Variants in ZNF793 observed in about 807,000 individuals in gnomAD.
ZNF793 encodes the protein zinc finger protein 793.
Under a neutral mutation model 12.4 loss-of-function variants are expected in ZNF793, and 5 were observed. That is an observed-to-expected ratio of 0.40 (90% CI 0.21 to 0.84). The LOEUF (loss-of-function observed/expected upper bound fraction) is 0.84. Among genes scored for constraint, ZNF793 ranks in the 40% least tolerant of loss-of-function variants. The pLI is 0.35. For missense variants in ZNF793, 456 were observed against 495.0 expected, an observed-to-expected ratio of 0.92 and a Z score of 0.75; for synonymous variants, 162 against 172.4, an observed-to-expected ratio of 0.94 and a Z score of 0.47.
At chr19:37,528,600 T>TA (rs1423060554) in intron 5 of ZNF793, among the ~76,000 whole-genome samples, 1 of 152,108 alleles carries the variant, frequency 6.6e-6, no homozygotes, top group Non-Finnish European at 1.5e-5. Flanking sequence ...CACAGTCACT[T>TA]AAAGACAGGA....
intron 2 of ZNF793, among the ~76,000 whole-genome samples, chr19:37,511,669 T>C (rs2042295603): frequency 6.6e-6 from 1 of 152,132 alleles, no homozygotes; most frequent in East Asian, 1.9e-4. Context: ...AGACTCTGTC[T>C]CAAAAAAATA....
chr19:37,508,828 A>C (rs1568783677), intron 2 of ZNF793, among the ~76,000 whole-genome samples: 1 of 152,362 alleles, frequency 6.6e-6, no homozygotes, highest in South Asian at 2.1e-4. Flanking sequence ...AAATTATCAA[A>C]GGAAGAGAAA....
chr19:37,511,430 C>T (rs935605490), intron 2 of ZNF793, among the ~76,000 whole-genome samples: 2 of 152,266 alleles, frequency 1.3e-5, no homozygotes, highest in Admixed American at 1.3e-4. Flanking sequence ...CCTGTAATCC[C>T]AGCACTTTGC....
chr19:37,537,905 T>C lies in ZNF793; in HGVS notation c.*26T>C, dbSNP rs1341925090. 2 of 1,474,688 alleles carry C rather than the reference T, an allele frequency of 1.4e-6. No individual in the cohort carries two copies. Among genetic ancestry groups the C allele is most frequent in the Non-Finnish European group, 1.8e-6 (2 of 1,115,040 alleles). The allele number at this position is 1,474,688 out of a possible 1,614,324, so 91.4% of individuals were successfully genotyped here. A position where few individuals can be genotyped will look rare whatever the true frequency, so the allele number is the denominator to read the frequency against. ...GCAAAATATCTGGTTTCATGGTATG[T>C]AGGGAATTTTTTTTTTTTTTTTTTG... On this transcript the variant is annotated 3_prime_UTR_variant, in exon 8 of 8. Coordinates refer to ENST00000627814, the MANE Select transcript of ZNF793 (RefSeq NM_001013659.3).
rs2042559087 is a variant in ZNF793, at chr19:37,542,614, G to A, written c.*4735G>A. On this transcript the variant is annotated 3_prime_UTR_variant, in exon 8 of 8. Coordinates refer to ENST00000627814, the MANE Select transcript of ZNF793 (RefSeq NM_001013659.3). Reference sequence around the variant, plus strand: ...CCATCAACTGGGAAATTGTAGAAAGGAAAAAACTATAGTGTATCCATTCCA... The same window carrying A: ...CCATCAACTGGGAAATTGTAGAAAGAAAAAAACTATAGTGTATCCATTCCA... The A allele has an allele frequency of 3.9e-6, 1 of 255,780 alleles. No individual in the cohort carries two copies. The highest frequency in any genetic ancestry group is 8.0e-6 in the Non-Finnish European group (1 of 124,450). The allele number at this position is 255,780 out of a possible 1,614,324, so 15.8% of individuals were successfully genotyped here.
At position 37,522,347 on chromosome 19, in the gene ZNF793, G is replaced by A. The variant is rs1353250673; in HGVS notation, c.-146-185G>A. ...TGAGTAGCTGGGATTACAGGTGCCT[G>A]CCAGCACACCCGGCAAATTTTTGTA... On this transcript the variant is annotated intron_variant, in intron 3 of 7. Coordinates refer to ENST00000627814, the MANE Select transcript of ZNF793 (RefSeq NM_001013659.3). Among the ~76,000 whole-genome samples, 2 of 152,006 alleles carry A rather than the reference G, an allele frequency of 1.3e-5. 1 individual carries two copies. Among genetic ancestry groups the A allele is most frequent in the Non-Finnish European group, 2.9e-5 (2 of 67,988 alleles).
intron 5 of ZNF793, among the ~76,000 whole-genome samples, chr19:37,529,050 G>C (rs1304787143): frequency 6.6e-6 from 1 of 151,752 alleles, no homozygotes; most frequent in African/African-American, 2.4e-5. Flanking sequence ...ATCATCACCC[G>C]GTTGCCTTCA....
intron 5 of ZNF793, among the ~76,000 whole-genome samples, chr19:37,530,060 C>T (rs566866985): frequency 2.6e-5 from 4 of 151,884 alleles, no homozygotes; most frequent in Non-Finnish European, 4.4e-5. Context: ...CAGATAAACA[C>T]GTGAACAAAG....
chr19:37,537,558 A>T lies in ZNF793; in HGVS notation c.900A>T (p.Glu300Asp). Residue 300 changes from glutamate (E) to aspartate (D), a missense_variant, in exon 8 of 8, where the codon GAA becomes GAT. Coordinates refer to ENST00000627814, the MANE Select transcript of ZNF793 (RefSeq NM_001013659.3). ...KAFTQKSHRTEHQRTHTGERP... is the reference protein window; with the variant it reads ...KAFTQKSHRTDHQRTHTGERP... ...TTACCCAGAAGTCACACCGCACAGA[A>T]CATCAGAGAACACACACAGGAGAGA... is the stretch of plus-strand genomic sequence containing the variant. The T allele has an allele frequency of 6.2e-7, 1 of 1,614,222 alleles. No individual in the cohort carries two copies. Among genetic ancestry groups the T allele is most frequent in the East Asian group, 2.2e-5 (1 of 44,886 alleles).
chr19:37,522,029 A>G (rs1195985841), intron 3 of ZNF793, among the ~76,000 whole-genome samples: 2 of 151,964 alleles, frequency 1.3e-5, no homozygotes, highest in Non-Finnish European at 2.9e-5. Context: ...ACTTTTTTTT[A>G]TGTAACCAGT....
chr19:37,525,454 T>G (rs2042407717), intron 5 of ZNF793, among the ~76,000 whole-genome samples: 1 of 124,970 alleles, frequency 8.0e-6, no homozygotes, highest in Admixed American at 8.3e-5. Flanking sequence ...TTTTTTTTTT[T>G]GAGACGGAGT....
chr19:37,525,900 A>G (rs559305903), intron 5 of ZNF793, among the ~76,000 whole-genome samples: 3 of 152,256 alleles, frequency 2.0e-5, no homozygotes, highest in South Asian at 4.1e-4. Context: ...ACAGTTACAC[A>G]TCTTATTCCT....
intron 5 of ZNF793, among the ~76,000 whole-genome samples, chr19:37,527,240 G>C (rs1357297153): frequency 6.6e-6 from 1 of 152,114 alleles, no homozygotes; most frequent in East Asian, 1.9e-4. Context: ...TTTTAGTAGA[G>C]ATGGGGTTTC....
At chr19:37,516,216 C>T (rs1214955812) in intron 2 of ZNF793, among the ~76,000 whole-genome samples, 1 of 152,196 alleles carries the variant, frequency 6.6e-6, no homozygotes, top group Admixed American at 6.5e-5. Flanking sequence ...CTCACTGCAA[C>T]CTCCACCTCC....
intron 2 of ZNF793, among the ~76,000 whole-genome samples, chr19:37,519,243 G>A (rs2042357251): frequency 6.6e-6 from 1 of 152,168 alleles, no homozygotes; most frequent in South Asian, 2.1e-4. Flanking sequence ...TCCAGCCTGG[G>A]CAGCAGAGCA....
chr19:37,533,670 A>G (rs779800316), intron 7 of ZNF793: 26 of 511,648 alleles, frequency 5.1e-5, no homozygotes, highest in Admixed American at 7.1e-5. Flanking sequence ...AAAAGCTTCT[A>G]TGATTCTCCT....
At chr19:37,533,206 C>G (rs2279150) in intron 6 of ZNF793, 102 bp from the exon 7 acceptor site, 150,703 of 927,786 alleles carry the variant, frequency 0.16, 12,950 homozygotes, top group Middle Eastern at 0.25. Flanking sequence ...TGTTTAGTCC[C>G]CTCCCAAGTA....
chr19:37,535,267 C>G (rs1910028316), intron 7 of ZNF793: 1 of 152,260 alleles, frequency 6.6e-6, no homozygotes, highest in African/African-American at 2.4e-5. Flanking sequence ...GCTGGGATTA[C>G]TGGCGTGAGC....
At chr19:37,530,029 T>A (rs1320002937) in intron 5 of ZNF793, among the ~76,000 whole-genome samples, 1 of 151,710 alleles carries the variant, frequency 6.6e-6, no homozygotes, top group African/African-American at 2.4e-5. Context: ...GGTCATAGGA[T>A]AATAGTGGAG....
Sources: gnomAD v4.1 joint callset for allele counts (sites outside exome capture counted in the v4.1 genomes callset) on GRCh38, gnomAD v4.1.1 for gene constraint, MANE v1.5 for transcripts, NCBI Gene and HGNC (gene_info 2026-07-23, HGNC 2026-07-21) for gene names.